STAU2: variants seen among roughly 807,000 people sequenced by gnomAD.
STAU2 encodes staufen double-stranded RNA binding protein 2, also known as double-stranded RNA-binding protein Staufen homolog 2.
A neutral mutation model predicts 65.9 loss-of-function variants in STAU2; 20 were observed. The ratio of observed to expected loss-of-function variants is 0.30; its 90% CI spans 0.21 to 0.44. The LOEUF is 0.44. STAU2 is among the 20% of genes least tolerant of loss of function. The pLI is 1.00. For synonymous variants in STAU2, 232 were observed against 233.9 expected (o/e 0.99, Z 0.07); for missense variants, 558 against 683.9 (o/e 0.82, Z 2.05).
intron 13 of STAU2, among the ~76,000 whole-genome samples, chr8:73,464,999 C>T (rs16938669): frequency 0.031 from 4,701 of 152,234 alleles, 222 homozygotes; most frequent in Admixed American, 0.13. Context: ...TGTATGAAAC[C>T]AAAAAACTTA....
chr8:73,496,684 T>C (rs1821439478), intron 13 of STAU2, among the ~76,000 whole-genome samples: 1 of 151,052 alleles, frequency 6.6e-6, no homozygotes, highest in South Asian at 2.1e-4. Context: ...ATTCTTTATT[T>C]AACCAACACA....
intron 13 of STAU2, among the ~76,000 whole-genome samples, chr8:73,480,536 A>G (rs1820552832): frequency 6.6e-6 from 1 of 152,136 alleles, no homozygotes; most frequent in Non-Finnish European, 1.5e-5. Flanking sequence ...AAACACATGG[A>G]GAAAGGAGGG....
chr8:73,733,550 T>A (rs1353466472), intron 3 of STAU2, among the ~76,000 whole-genome samples: 1 of 152,196 alleles, frequency 6.6e-6, no homozygotes, highest in Non-Finnish European at 1.5e-5. Context: ...TCCCGTTGGT[T>A]ATCTGTTGAA....
chr8:73,671,167 A>T (rs1817640307), intron 6 of STAU2, among the ~76,000 whole-genome samples: 1 of 152,216 alleles, frequency 6.6e-6, no homozygotes. Flanking sequence ...GAGGTGGCTC[A>T]TGTCTGCAAT....
chr8:73,702,673 C>A (rs1031329285), intron 4 of STAU2, among the ~76,000 whole-genome samples: 1 of 151,988 alleles, frequency 6.6e-6, no homozygotes, highest in African/African-American at 2.4e-5. Context: ...CACCAAACAA[C>A]AGAATAAAGA....
At chr8:73,514,603 T>G (rs1272160995) in intron 13 of STAU2, among the ~76,000 whole-genome samples, 1 of 152,230 alleles carries the variant, frequency 6.6e-6, no homozygotes, top group Admixed American at 6.5e-5. Flanking sequence ...TTTCAATTTT[T>G]GGTCCATCAA....
At chr8:73,680,492 G>C (rs920302912) in intron 5 of STAU2, among the ~76,000 whole-genome samples, 1 of 152,080 alleles carries the variant, frequency 6.6e-6, no homozygotes, top group Non-Finnish European at 1.5e-5. Flanking sequence ...TCTTGCCTCT[G>C]ACACAGTATA....
intron 11 of STAU2, among the ~76,000 whole-genome samples, chr8:73,583,568 G>C (rs568449181): frequency 6.6e-6 from 1 of 151,824 alleles, no homozygotes; most frequent in East Asian, 1.9e-4. Context: ...CATTTCTGTA[G>C]ACAAAAATGT....
At chr8:73,546,148 G>GTTTTTTTTTTTTTTTTTTTTTTTT (rs1563412799) in intron 13 of STAU2, among the ~76,000 whole-genome samples, 1 of 116,462 alleles carries the variant, frequency 8.6e-6, no homozygotes, top group African/African-American at 3.7e-5. Context: ...TTTTTTTTTG[G>GTTTTTTTTTTTTTTTTTTTTTTTT]TAGAGACAGA....
chr8:73,625,274 A>G (rs1813551909), intron 6 of STAU2, among the ~76,000 whole-genome samples: 1 of 152,266 alleles, frequency 6.6e-6, no homozygotes, highest in Admixed American at 6.5e-5. Context: ...AAATGTTTAC[A>G]GCAGCATTAT....
chr8:73,621,359 C>A (rs569496454), intron 6 of STAU2, among the ~76,000 whole-genome samples: 5 of 152,146 alleles, frequency 3.3e-5, no homozygotes, highest in Non-Finnish European at 7.3e-5. Context: ...CCTGAGGCCT[C>A]CCCAGCCATG....
chr8:73,501,503 T>C (rs1268674308), intron 13 of STAU2, among the ~76,000 whole-genome samples: 1 of 151,920 alleles, frequency 6.6e-6, no homozygotes, highest in African/African-American at 2.4e-5. Context: ...GAAAGTATAC[T>C]AGTACATTTC....
At chr8:73,742,303 C>T (rs146158443) in intron 1 of STAU2, 14 of 900,946 alleles carry the variant, frequency 1.6e-5, no homozygotes, top group South Asian at 5.1e-5. Context: ...GAGTCTGAGG[C>T]GGACGGATCA....
At chr8:73,639,114 A>T (rs1814768971) in intron 6 of STAU2, among the ~76,000 whole-genome samples, 1 of 152,194 alleles carries the variant, frequency 6.6e-6, no homozygotes, top group Admixed American at 6.5e-5. Context: ...TTAAAGTTCA[A>T]CAGATATTAT....
chr8:73,651,504 C>A, intron 6 of STAU2: 1 of 725,102 alleles, frequency 1.4e-6, no homozygotes. Flanking sequence ...TCACTGCACG[C>A]ACCCCTGGCT....
At chr8:73,527,259 T>C (rs1362101259) in intron 13 of STAU2, 1 of 157,316 alleles carries the variant, frequency 6.4e-6, no homozygotes, top group East Asian at 1.8e-4. Flanking sequence ...TGATGATGCA[T>C]TTCTCACAAC....
chr8:73,747,242 C>G (rs1042707897), upstream of STAU2: 1 of 965,738 alleles, frequency 1.0e-6, no homozygotes, highest in Non-Finnish European at 1.5e-6. Flanking sequence ...TCCTCGTCCC[C>G]GGCGCGACTC....
At chr8:73,639,447 G>A (rs1354600053) in intron 6 of STAU2, among the ~76,000 whole-genome samples, 1 of 151,990 alleles carries the variant, frequency 6.6e-6, no homozygotes, top group African/African-American at 2.4e-5. Flanking sequence ...ATGCTAAAAC[G>A]AAAGACATGG....
intron 3 of STAU2, among the ~76,000 whole-genome samples, chr8:73,730,880 T>C (rs1447538251): frequency 6.6e-6 from 1 of 152,206 alleles, no homozygotes. Context: ...TTCTATCCAT[T>C]GCTAACGTCA....
Sources: gnomAD v4.1 joint callset for allele counts (sites outside exome capture counted in the v4.1 genomes callset) on GRCh38, gnomAD v4.1.1 for gene constraint, MANE v1.5 for transcripts, NCBI Gene and HGNC (gene_info 2026-07-23, HGNC 2026-07-21) for gene names.